CADM2: variants seen among roughly 807,000 people sequenced by gnomAD.
The protein encoded by CADM2 is cell adhesion molecule 2, also known as immunoglobulin superfamily member 4D.
In CADM2, 12 loss-of-function variants were observed where a neutral mutation model predicts 49.8. That is an observed-to-expected ratio of 0.24 (90% CI 0.15 to 0.39). The LOEUF is 0.39. Among genes scored for constraint, CADM2 ranks in the 10% least tolerant of loss-of-function variants. The pLI is 1.00. For missense variants in CADM2, 378 were observed against 492.3 expected, an observed-to-expected ratio of 0.77 and a Z score of 2.20; for synonymous variants, 214 against 175.4, an observed-to-expected ratio of 1.22 and a Z score of -1.74.
At chr3:85,896,709 A>G (rs776726761) in intron 5 of CADM2, among the ~76,000 whole-genome samples, 20 of 152,322 alleles carry the variant, frequency 1.3e-4, no homozygotes, top group Non-Finnish European at 1.6e-4. Flanking sequence ...TTGTGTGAGT[A>G]GGTTCTTGCC....
chr3:84,982,737 A>ATG (rs1553663805), intron 1 of CADM2, among the ~76,000 whole-genome samples: 1 of 115,374 alleles, frequency 8.7e-6, no homozygotes, highest in Non-Finnish European at 1.7e-5. Context: ...ATATATATAC[A>ATG]TTTTTTGTTT....
At chr3:84,993,648 A>C (rs2033019036) in intron 1 of CADM2, among the ~76,000 whole-genome samples, 1 of 152,156 alleles carries the variant, frequency 6.6e-6, no homozygotes, top group Non-Finnish European at 1.5e-5. Context: ...AAAATTTGAA[A>C]GCCATTAGCA....
chr3:84,979,078 G>C (rs2063457500), intron 1 of CADM2, among the ~76,000 whole-genome samples: 1 of 137,490 alleles, frequency 7.3e-6, no homozygotes, highest in South Asian at 2.4e-4. Context: ...TCATCTCCAA[G>C]GTCCCTTTTC....
At chr3:85,358,864 T>C (rs963551120) in intron 1 of CADM2, among the ~76,000 whole-genome samples, 1 of 152,184 alleles carries the variant, frequency 6.6e-6, no homozygotes, top group Admixed American at 6.6e-5. Context: ...TAATGAACGA[T>C]TGAAGCTGCA....
At chr3:85,198,637 T>C (rs2107739860) in intron 1 of CADM2, among the ~76,000 whole-genome samples, 1 of 152,014 alleles carries the variant, frequency 6.6e-6, no homozygotes, top group Non-Finnish European at 1.5e-5. Flanking sequence ...AAATAATTAA[T>C]TTATGGTATA....
At chr3:85,835,747 TATATAATATATA>T (rs952803143) in intron 3 of CADM2, among the ~76,000 whole-genome samples, 104 of 127,096 alleles carry the variant, frequency 8.2e-4, no homozygotes, top group African/African-American at 2.9e-3. Context: ...TTGCTATATG[TATATAATATATA>T]ATATAATATA....
chr3:85,044,922 A>G (rs1332736796), intron 1 of CADM2, among the ~76,000 whole-genome samples: 1 of 151,794 alleles, frequency 6.6e-6, no homozygotes. Context: ...TTGGGCCCAT[A>G]CAAAGAATGT....
At chr3:85,656,137 A>G (rs915746944) in intron 1 of CADM2, among the ~76,000 whole-genome samples, 1 of 152,126 alleles carries the variant, frequency 6.6e-6, no homozygotes, top group African/African-American at 2.4e-5. Context: ...GTTATTAGAA[A>G]AAGCTATGAT....
intron 8 of CADM2, among the ~76,000 whole-genome samples, chr3:86,017,735 A>G (rs1326471028): frequency 6.6e-6 from 1 of 151,472 alleles, no homozygotes; most frequent in Non-Finnish European, 1.5e-5. Context: ...CTCCAAAAAA[A>G]AAAAAAGAAA....
chr3:84,988,171 C>T (rs2032687921), intron 1 of CADM2, among the ~76,000 whole-genome samples: 1 of 152,158 alleles, frequency 6.6e-6, no homozygotes, highest in South Asian at 2.1e-4. Context: ...TTTGGAGTGT[C>T]TGGGAAACAA....
At chr3:85,332,715 T>G (rs897879408) in intron 1 of CADM2, among the ~76,000 whole-genome samples, 18 of 151,962 alleles carry the variant, frequency 1.2e-4, no homozygotes, top group Admixed American at 7.9e-4. Flanking sequence ...TCCATACATT[T>G]TAAGTTTTCT....
intron 6 of CADM2, among the ~76,000 whole-genome samples, chr3:85,916,543 T>G (rs1260670847): frequency 6.6e-6 from 1 of 152,022 alleles, no homozygotes; most frequent in Non-Finnish European, 1.5e-5. Flanking sequence ...GGTGTATATG[T>G]GCCACATTTT....
intron 6 of CADM2, among the ~76,000 whole-genome samples, chr3:85,933,651 G>A (rs1196600222): frequency 2.6e-5 from 4 of 152,088 alleles, no homozygotes; most frequent in South Asian, 2.1e-4. Context: ...GTGAGTCAGC[G>A]AGCTGGAAGA....
intron 1 of CADM2, among the ~76,000 whole-genome samples, chr3:85,576,662 A>T (rs2062641133): frequency 1.3e-5 from 2 of 152,102 alleles, no homozygotes; most frequent in Non-Finnish European, 2.9e-5. Context: ...ATTCATTTGG[A>T]GTTAATGTTA....
chr3:85,421,942 A>G (rs2036191863), intron 1 of CADM2, among the ~76,000 whole-genome samples: 1 of 152,234 alleles, frequency 6.6e-6, no homozygotes, highest in Non-Finnish European at 1.5e-5. Context: ...GACAGACAAA[A>G]ACATAGTAAG....
intron 1 of CADM2, among the ~76,000 whole-genome samples, chr3:85,209,244 A>G (rs887210751): frequency 6.6e-6 from 1 of 152,172 alleles, no homozygotes; most frequent in African/African-American, 2.4e-5. Flanking sequence ...AGCTTTTTAA[A>G]TACGTTGGTT....
intron 1 of CADM2, among the ~76,000 whole-genome samples, chr3:85,506,338 T>C (rs1476630240): frequency 6.6e-6 from 1 of 152,342 alleles, no homozygotes; most frequent in African/African-American, 2.4e-5. Flanking sequence ...CTAAATGTTA[T>C]AAACAAGTTT....
chr3:85,989,937 G>A (rs375036927), intron 8 of CADM2, among the ~76,000 whole-genome samples: 57 of 132,096 alleles, frequency 4.3e-4, no homozygotes, highest in Middle Eastern at 3.7e-3. Flanking sequence ...CGCTTGACCC[G>A]GGAAGGGGAG....
intron 1 of CADM2, among the ~76,000 whole-genome samples, chr3:85,309,969 T>C (rs994635658): frequency 2.6e-5 from 4 of 152,224 alleles, no homozygotes; most frequent in African/African-American, 9.6e-5. Context: ...CAGTTTTGTG[T>C]TTAATGTTCC....
Sources: allele counts gnomAD v4.1 joint callset (sites outside exome capture counted in the v4.1 genomes callset), GRCh38; gene constraint gnomAD v4.1.1; transcripts MANE v1.5; gene names NCBI Gene and HGNC (gene_info 2026-07-23, HGNC 2026-07-21).